Variants in RFX7 observed in about 807,000 individuals in gnomAD.
RFX7 encodes the protein DNA-binding protein RFX7.
In RFX7, 26 loss-of-function variants were observed where a neutral mutation model predicts 111.8. That is an observed-to-expected ratio of 0.23 (90% confidence interval 0.17 to 0.32). The LOEUF (loss-of-function observed/expected upper bound fraction) is 0.32. Ranked by LOEUF, RFX7 falls within the 10% of genes least tolerant of loss-of-function variation. RFX7 has a pLI of 1.00. For synonymous variants in RFX7, 624 were observed against 624.4 expected (o/e 1.00, Z 0.01); for missense variants, 1,573 against 1,772.9 (o/e 0.89, Z 2.02).
At chr15:56,214,858 T>C (rs2043348183) in intron 2 of RFX7, among the ~76,000 whole-genome samples, 2 of 152,220 alleles carry the variant, frequency 1.3e-5, no homozygotes, top group Admixed American at 1.3e-4. Flanking sequence ...TTTTGCTACA[T>C]TATCTTCGTA....
At chr15:56,213,012 T>C (rs1952461326) in intron 2 of RFX7, among the ~76,000 whole-genome samples, 1 of 152,192 alleles carries the variant, frequency 6.6e-6, no homozygotes. Flanking sequence ...TTAGAGAGTG[T>C]CAATGCCAAA....
Position 56,093,879 on chromosome 15 carries a change from G to A in RFX7, c.3849C>T (p.Leu1283=), listed in dbSNP as rs769947295. The stretch of plus-strand genomic sequence containing the variant: ...CAGTGGAAGGTTCCAAAATCTGAGT[G>A]AGATTCATCCGGGCTGTATAATTAG... ...LPSNYTARMN[L]TQILEPSTVF... The change falls in exon 10 of 10, where the codon CTC becomes CTT. Residue 1283 remains leucine, a synonymous_variant. Coordinates refer to ENST00000559447, the MANE Select transcript of RFX7 (RefSeq NM_022841.7). 1 of 1,613,980 alleles carries A rather than the reference G, an allele frequency of 6.2e-7. No homozygotes were observed. Among genetic ancestry groups the A allele is most frequent in the South Asian group, 1.1e-5 (1 of 91,074 alleles).
rs544927282 is a variant in RFX7 at position 56,121,620 on chromosome 15, C to T, written c.402-17950G>A. On this transcript the variant is annotated intron_variant, in intron 5 of 9. Transcript: ENST00000559447. The stretch of plus-strand genomic sequence containing the variant: ...CTCTCTTTGAATAAACTTTCTATTC[C>T]TATCTCTCTGTCTACCTCCTCTTTA... Among the ~76,000 whole-genome samples, 37 of 152,242 alleles carry T rather than the reference C, an allele frequency of 2.4e-4. No individual in the cohort carries two copies. The South Asian group carries it at 6.8e-3, about 28-fold the overall frequency.
At position 56,095,915 on chromosome 15, in the gene RFX7, G is replaced by A. The variant is rs369466675; in HGVS notation, c.1813C>T (p.Arg605Cys). Residue 605 changes from arginine to cysteine, a missense_variant, in exon 10 of 10, where the codon CGC becomes TGC. Coordinates refer to ENST00000559447, the MANE Select transcript of RFX7 (RefSeq NM_022841.7). ...GTGCCTGGCAGCATTTCATTACAGC[G>A]ACTTTTACATTTGGTCCTCTGGTCA... ...VCDQRTKCKS[R>C]CNEMLPGTST... 1.4e-5 allele frequency: 23 copies of A among 1,605,444 alleles called. No homozygotes were observed. The highest frequency in any genetic ancestry group is 1.6e-4 in the Middle Eastern group (1 of 6,084).
intron 3 of RFX7, among the ~76,000 whole-genome samples, chr15:56,175,881 A>G (rs1346482158): frequency 6.6e-6 from 1 of 152,196 alleles, no homozygotes; most frequent in Non-Finnish European, 1.5e-5. Context: ...CAAAATGGTC[A>G]GAAACTAGGC....
intron 5 of RFX7, among the ~76,000 whole-genome samples, chr15:56,131,821 G>A (rs1394636158): frequency 6.6e-6 from 1 of 151,844 alleles, no homozygotes; most frequent in Admixed American, 6.6e-5. Context: ...TAAAGACAAT[G>A]AAGAAGATTC....
chr15:56,216,974 T>C (rs1179135283), intron 2 of RFX7, among the ~76,000 whole-genome samples: 1 of 152,130 alleles, frequency 6.6e-6, no homozygotes, highest in African/African-American at 2.4e-5. Flanking sequence ...TCTTTGGAGG[T>C]ATATTTTTAA....
chr15:56,179,905 A>G (rs1471338339), intron 2 of RFX7, among the ~76,000 whole-genome samples: 2 of 152,152 alleles, frequency 1.3e-5, no homozygotes, highest in African/African-American at 2.4e-5. Context: ...ACTTAGAAAT[A>G]AATAATACAA....
At chr15:56,129,974 A>G (rs981119721) in intron 5 of RFX7, among the ~76,000 whole-genome samples, 3 of 152,168 alleles carry the variant, frequency 2.0e-5, no homozygotes, top group Non-Finnish European at 1.5e-5. Flanking sequence ...AATACAGTTA[A>G]TTTTCTTATA....
chr15:56,143,578 A>G (rs1050466259), intron 4 of RFX7, among the ~76,000 whole-genome samples: 4 of 152,068 alleles, frequency 2.6e-5, no homozygotes, highest in African/African-American at 7.2e-5. Context: ...AAATACCGAA[A>G]TGGACACCAA....
intron 5 of RFX7, among the ~76,000 whole-genome samples, chr15:56,107,557 T>C (rs183226285): frequency 2.0e-4 from 30 of 152,190 alleles, no homozygotes; most frequent in African/African-American, 6.5e-4. Flanking sequence ...TGGTAAAATA[T>C]AGTCATGGGA....
At chr15:56,096,739 C>A in intron 9 of RFX7, 119 bp from the exon 10 acceptor site, 1 of 1,145,450 alleles carries the variant, frequency 8.7e-7, no homozygotes, top group Non-Finnish European at 1.2e-6. Flanking sequence ...AAAAAAGTTC[C>A]TATGTTAGAA....
At chr15:56,216,693 C>T (rs1490254296) in intron 2 of RFX7, among the ~76,000 whole-genome samples, 18 of 152,206 alleles carry the variant, frequency 1.2e-4, no homozygotes, top group Admixed American at 2.6e-4. Context: ...TTTCAACTTT[C>T]CCCCCAAGTA....
intron 2 of RFX7, among the ~76,000 whole-genome samples, chr15:56,196,451 T>A (rs924469388): frequency 1.9e-4 from 29 of 152,166 alleles, no homozygotes; most frequent in Non-Finnish European, 2.6e-4. Flanking sequence ...ACTCTTTTTT[T>A]TAAAAAAATT....
chr15:56,141,426 C>A (rs1022885047), intron 5 of RFX7, among the ~76,000 whole-genome samples: 2 of 151,706 alleles, frequency 1.3e-5, no homozygotes, highest in Admixed American at 6.6e-5. Flanking sequence ...CTTCAACTGC[C>A]TCATTTTATA....
intron 2 of RFX7, among the ~76,000 whole-genome samples, chr15:56,202,123 T>C (rs555469273): frequency 1.3e-5 from 2 of 152,180 alleles, no homozygotes; most frequent in East Asian, 1.9e-4. Context: ...CAGAAAGCTT[T>C]ATAAAAACCT....
intron 2 of RFX7, among the ~76,000 whole-genome samples, chr15:56,204,391 C>T (rs1485491423): frequency 6.6e-6 from 1 of 152,048 alleles, no homozygotes; most frequent in African/African-American, 2.4e-5. Flanking sequence ...TCCCATACAT[C>T]ATTTCCCAAA....
In RFX7 at chr15:56,243,306, GA is replaced by G; in HGVS notation, c.-2-20del. ...GCCATCGCTGCAGAGGGGTGGGAGG[GA>G]GGGAGGGAAAGATGGGGGCGCGGGG... On this transcript the variant is annotated intron_variant, in intron 1 of 9. Transcript: ENST00000559447. 1 of 861,882 alleles carries G rather than the reference GA, an allele frequency of 1.2e-6. No homozygotes were observed. The highest frequency in any genetic ancestry group is 1.5e-6 in the Non-Finnish European group (1 of 649,928). The allele number at this position is 861,882 out of a possible 1,614,324, so 53.4% of individuals were successfully genotyped here.
chr15:56,210,167 G>C (rs1404591582), intron 2 of RFX7, among the ~76,000 whole-genome samples: 1 of 152,022 alleles, frequency 6.6e-6, no homozygotes, highest in African/African-American at 2.4e-5. Flanking sequence ...CTAGTCAAAA[G>C]AAAGTAGGAG....
Sources: gnomAD v4.1 joint callset for allele counts (sites outside exome capture counted in the v4.1 genomes callset) on GRCh38, gnomAD v4.1.1 for gene constraint, MANE v1.5 for transcripts, NCBI Gene and HGNC (gene_info 2026-07-23, HGNC 2026-07-21) for gene names.